The following CRYBA4 variants were observed in gnomAD, a reference collection of about 807,000 sequenced individuals.
CRYBA4 encodes beta-crystallin A4.
Under a neutral mutation model 31.7 loss-of-function variants are expected in CRYBA4, and 30 were observed. The observed-to-expected ratio is 0.95, with a 90% CI of 0.71 to 1.28. The LOEUF (loss-of-function observed/expected upper bound fraction) is 1.28. Ranked by LOEUF, CRYBA4 falls within the 50% of genes most tolerant of loss-of-function variation. The probability of loss-of-function intolerance (pLI) is 0.00; values close to 1 mark genes in which losing one functional copy is unlikely to be tolerated. For missense variants in CRYBA4, 225 were observed against 260.7 expected (o/e 0.86, Z 0.94); for synonymous variants, 102 against 102.3 (o/e 1.00, Z 0.02).
chr22:26,600,109 T>C, the CRYBA4 span, among the ~76,000 whole-genome samples: 2 of 152,058 alleles, frequency 1.3e-5, no homozygotes, highest in Non-Finnish European at 2.9e-5. Context: ...TTTCAAAAAA[T>C]TGGTTTTCTT....
intron 4 of CRYBA4, among the ~76,000 whole-genome samples, chr22:26,627,500 C>CTTTCTTTCTTTCTCTTTCTTTCCT (rs1929778802): frequency 1.1e-4 from 3 of 28,232 alleles, no homozygotes; most frequent in Non-Finnish European, 1.9e-4. Flanking sequence ...TTCTTTCTTT[C>CTTTCTTTCTTTCTCTTTCTTTCCT]TTTCTTTCTT....
At chr22:26,601,570 C>T in the CRYBA4 span, among the ~76,000 whole-genome samples, 1 of 151,478 alleles carries the variant, frequency 6.6e-6, no homozygotes, top group Admixed American at 6.6e-5. Flanking sequence ...CTCATCTATC[C>T]ACATCAGCGC....
At chr22:26,629,589 A>G (rs565756614) in intron 5 of CRYBA4, among the ~76,000 whole-genome samples, 1 of 152,088 alleles carries the variant, frequency 6.6e-6, no homozygotes, top group South Asian at 2.1e-4. Context: ...TAAAAATACA[A>G]AAAATTAGCT....
the CRYBA4 span, chr22:26,616,380 T>A: frequency 7.3e-7 from 1 of 1,369,210 alleles, no homozygotes; most frequent in South Asian, 1.2e-5. Context: ...ACCCCCAAAC[T>A]GCCTCCTGCC....
the CRYBA4 span, chr22:26,599,247 C>T: frequency 1.8e-6 from 1 of 549,348 alleles, no homozygotes; most frequent in African/African-American, 1.9e-5. Flanking sequence ...TCTGCCTACA[C>T]ATTTGGTAGA....
chr22:26,597,900 T>C, the CRYBA4 span, among the ~76,000 whole-genome samples: 1 of 152,210 alleles, frequency 6.6e-6, no homozygotes, highest in African/African-American at 2.4e-5. Flanking sequence ...TTCTTTTTTT[T>C]TGAGGTGGAG....
At chr22:26,613,774 A>G in the CRYBA4 span, among the ~76,000 whole-genome samples, 1 of 152,242 alleles carries the variant, frequency 6.6e-6, no homozygotes, top group Non-Finnish European at 1.5e-5. Flanking sequence ...TGTTCAGGGA[A>G]TAAGAGAGAT....
At chr22:26,596,452 A>G in the CRYBA4 span, among the ~76,000 whole-genome samples, 2 of 152,330 alleles carry the variant, frequency 1.3e-5, no homozygotes. Context: ...TTTACCTTTT[A>G]TAGGACTTAT....
At chr22:26,610,694 A>G in the CRYBA4 span, among the ~76,000 whole-genome samples, 1 of 152,116 alleles carries the variant, frequency 6.6e-6, no homozygotes, top group Non-Finnish European at 1.5e-5. Flanking sequence ...CATCAGAGTC[A>G]CCTGCCATGT....
At chr22:26,629,381 C>T (rs915917250) in intron 5 of CRYBA4, among the ~76,000 whole-genome samples, 32 of 151,690 alleles carry the variant, frequency 2.1e-4, no homozygotes, top group African/African-American at 7.5e-4. Flanking sequence ...TTCACTTCCT[C>T]TTTTACAGAA....
At chr22:26,597,554 C>G in the CRYBA4 span, among the ~76,000 whole-genome samples, 1 of 152,170 alleles carries the variant, frequency 6.6e-6, no homozygotes, top group Non-Finnish European at 1.5e-5. Context: ...CAAGCAAGCT[C>G]CTGCTCCATC....
chr22:26,629,761 T>C (rs1463644428), intron 5 of CRYBA4, among the ~76,000 whole-genome samples: 2 of 68,024 alleles, frequency 2.9e-5, no homozygotes, highest in South Asian at 9.2e-4. Context: ...AAAAAATCAA[T>C]GAATTGAAAT....
At chr22:26,613,945 C>G in the CRYBA4 span, among the ~76,000 whole-genome samples, 1 of 152,212 alleles carries the variant, frequency 6.6e-6, no homozygotes, top group Non-Finnish European at 1.5e-5. Context: ...ACTGGCCCCC[C>G]TGGGCGTGGT....
At chr22:26,628,696 C>G (rs907197154) in intron 5 of CRYBA4, among the ~76,000 whole-genome samples, 2 of 152,154 alleles carry the variant, frequency 1.3e-5, no homozygotes, top group Non-Finnish European at 2.9e-5. Context: ...TCTCTCTCCC[C>G]CCACAACCCC....
upstream of CRYBA4, among the ~76,000 whole-genome samples, chr22:26,619,760 G>C (rs1334025698): frequency 6.6e-6 from 1 of 152,212 alleles, no homozygotes; most frequent in African/African-American, 2.4e-5. Flanking sequence ...CAAGACGCCT[G>C]TGGTGAGGGC....
At chr22:26,609,841 T>C in the CRYBA4 span, among the ~76,000 whole-genome samples, 1 of 152,240 alleles carries the variant, frequency 6.6e-6, no homozygotes, top group Admixed American at 6.5e-5. Flanking sequence ...CACTTACACC[T>C]GCTAAGCTTT....
At chr22:26,630,188 T>C (rs1929880801) in intron 5 of CRYBA4, 152 bp from the exon 6 acceptor site, 1 of 945,172 alleles carries the variant, frequency 1.1e-6, no homozygotes, top group South Asian at 1.4e-5. Flanking sequence ...TCAAAGGCCC[T>C]GTGGTAGGGG....
the CRYBA4 span, among the ~76,000 whole-genome samples, chr22:26,599,921 G>C: frequency 6.6e-6 from 1 of 152,226 alleles, no homozygotes; most frequent in African/African-American, 2.4e-5. Context: ...TGCTGGGGGG[G>C]ACCAAATGGA....
At chr22:26,618,920 C>G (rs1195129693), upstream of CRYBA4, among the ~76,000 whole-genome samples, 2 of 152,236 alleles carry the variant, frequency 1.3e-5, no homozygotes. Context: ...CCCGCCTCTA[C>G]CCAGGCCACG....
Sources: allele counts gnomAD v4.1 joint callset (sites outside exome capture counted in the v4.1 genomes callset), GRCh38; gene constraint gnomAD v4.1.1; transcripts MANE v1.5; gene names NCBI Gene and HGNC (gene_info 2026-07-23, HGNC 2026-07-21).